CALN1: variants seen among roughly 807,000 people sequenced by gnomAD.
CALN1 encodes calcium-binding protein 8.
In CALN1, 17 loss-of-function variants were observed where a neutral mutation model predicts 30.6. The observed-to-expected ratio is 0.56, with a 90% CI of 0.38 to 0.83. The LOEUF (loss-of-function observed/expected upper bound fraction) is 0.83. CALN1 is among the 40% of genes least tolerant of loss of function. CALN1 has a pLI of 0.00. For synonymous variants in CALN1, 156 were observed against 131.4 expected (o/e 1.19, Z -1.28); for missense variants, 291 against 354.9 (o/e 0.82, Z 1.45).
chr7:71,873,829 T>C (rs1792087626), intron 5 of CALN1, among the ~76,000 whole-genome samples: 1 of 152,252 alleles, frequency 6.6e-6, no homozygotes, highest in South Asian at 2.1e-4. Flanking sequence ...ACTATTTTCA[T>C]TGGCTCCCAA....
chr7:72,117,225 G>A (rs1808048774), intron 3 of CALN1, among the ~76,000 whole-genome samples: 1 of 152,212 alleles, frequency 6.6e-6, no homozygotes. Flanking sequence ...GCTGAGATGG[G>A]AGGATTGCTT....
chr7:72,093,413 C>G (rs844720), intron 4 of CALN1, among the ~76,000 whole-genome samples: 118,595 of 152,150 alleles, frequency 0.78, 47,244 homozygotes, highest in East Asian at 1. Flanking sequence ...ACAAACTTCC[C>G]AAGTGGGATT....
chr7:71,929,794 C>A (rs151019053), intron 5 of CALN1, among the ~76,000 whole-genome samples: 1 of 152,024 alleles, frequency 6.6e-6, no homozygotes, highest in Non-Finnish European at 1.5e-5. Context: ...ATTGTTCAGC[C>A]GTTTGAGGGA....
At chr7:72,085,262 A>G (rs986234971) in intron 4 of CALN1, among the ~76,000 whole-genome samples, 3 of 152,124 alleles carry the variant, frequency 2.0e-5, no homozygotes, top group African/African-American at 7.2e-5. Context: ...ATTGCTTGAG[A>G]CCAGGAGTTT....
At chr7:72,303,133 C>A (rs1213236325) in intron 2 of CALN1, among the ~76,000 whole-genome samples, 1 of 151,754 alleles carries the variant, frequency 6.6e-6, no homozygotes, top group Non-Finnish European at 1.5e-5. Flanking sequence ...AAAAAGAAAT[C>A]ACTCAGTGAA....
At chr7:71,837,257 A>AAAAAAAAAAAG (rs1789675540) in intron 5 of CALN1, among the ~76,000 whole-genome samples, 1 of 150,184 alleles carries the variant, frequency 6.7e-6, no homozygotes, top group Non-Finnish European at 1.5e-5. Flanking sequence ...AAAAAAAAAA[A>AAAAAAAAAAAG]AAAAAAAAGC....
intron 3 of CALN1, among the ~76,000 whole-genome samples, chr7:72,233,117 G>A (rs1216987188): frequency 1.3e-5 from 2 of 151,314 alleles, no homozygotes; most frequent in Non-Finnish European, 2.9e-5. Flanking sequence ...CCTTTATTTT[G>A]GTCACAAGGG....
At chr7:72,433,723 G>A (rs73366907) in intron 1 of CALN1, among the ~76,000 whole-genome samples, 1,663 of 152,194 alleles carry the variant, frequency 0.011, 33 homozygotes, top group African/African-American at 0.038. Flanking sequence ...AAACCAATGC[G>A]GATGCTGCTA....
the CALN1 span, among the ~76,000 whole-genome samples, chr7:72,499,074 A>C: frequency 1.3e-5 from 2 of 152,194 alleles, no homozygotes; most frequent in African/African-American, 4.8e-5. Flanking sequence ...TCTGTAACCC[A>C]GGCTGGAGTG....
At chr7:72,375,778 G>A (rs1265986281) in intron 2 of CALN1, among the ~76,000 whole-genome samples, 1 of 151,904 alleles carries the variant, frequency 6.6e-6, no homozygotes, top group Non-Finnish European at 1.5e-5. Context: ...CACTGTGCCT[G>A]GTCTAAAATA....
chr7:71,846,952 T>C (rs1790298778), intron 5 of CALN1, among the ~76,000 whole-genome samples: 1 of 145,522 alleles, frequency 6.9e-6, no homozygotes, highest in Non-Finnish European at 1.5e-5. Context: ...TATATATACA[T>C]ATATAATATA....
the CALN1 span, among the ~76,000 whole-genome samples, chr7:72,479,155 C>T: frequency 2.6e-5 from 4 of 152,184 alleles, no homozygotes; most frequent in African/African-American, 7.2e-5. Context: ...GCTGAGATTA[C>T]AGGCGTGAGC....
chr7:72,304,171 G>A (rs1042529399), intron 2 of CALN1, among the ~76,000 whole-genome samples: 1 of 152,206 alleles, frequency 6.6e-6, no homozygotes, highest in Non-Finnish European at 1.5e-5. Flanking sequence ...AGTTAATAAA[G>A]AAAGACTTAA....
intron 1 of CALN1, among the ~76,000 whole-genome samples, chr7:72,441,736 G>C (rs1264015236): frequency 1.3e-5 from 2 of 151,990 alleles, no homozygotes; most frequent in Non-Finnish European, 2.9e-5. Context: ...CCAATCTCCT[G>C]GTTTGGGTTT....
At chr7:71,811,461 C>A (rs1787953461) in intron 5 of CALN1, among the ~76,000 whole-genome samples, 1 of 152,060 alleles carries the variant, frequency 6.6e-6, no homozygotes, top group South Asian at 2.1e-4. Flanking sequence ...CTGCCTTGGC[C>A]TCCTGAAAGT....
intron 3 of CALN1, among the ~76,000 whole-genome samples, chr7:72,113,775 G>A (rs568006915): frequency 2.4e-4 from 37 of 152,304 alleles, no homozygotes; most frequent in East Asian, 9.6e-4. Flanking sequence ...TTTATACTCC[G>A]GACTTTTCTT....
chr7:71,874,065 G>A (rs1792100527), intron 5 of CALN1, among the ~76,000 whole-genome samples: 2 of 151,872 alleles, frequency 1.3e-5, no homozygotes, highest in Non-Finnish European at 2.9e-5. Flanking sequence ...ACTTGAGATC[G>A]GGAGTTTGAG....
chr7:72,329,026 T>G (rs1801479969), intron 2 of CALN1, among the ~76,000 whole-genome samples: 1 of 152,232 alleles, frequency 6.6e-6, no homozygotes, highest in African/African-American at 2.4e-5. Flanking sequence ...CAAACATTTT[T>G]CCGATTGTAA....
At chr7:72,401,987 TG>T (rs1253563148) in intron 2 of CALN1, among the ~76,000 whole-genome samples, 1 of 152,190 alleles carries the variant, frequency 6.6e-6, no homozygotes, top group Non-Finnish European at 1.5e-5. Flanking sequence ...CTGCCTTTGG[TG>T]GAAGGTCCTC....
Sources: allele counts gnomAD v4.1 joint callset (sites outside exome capture counted in the v4.1 genomes callset), GRCh38; gene constraint gnomAD v4.1.1; transcripts MANE v1.5; gene names NCBI Gene and HGNC (gene_info 2026-07-23, HGNC 2026-07-21).